The following ESRRG variants were observed in gnomAD, a reference collection of about 807,000 sequenced individuals.
The protein encoded by ESRRG is estrogen related receptor gamma, also known as estrogen-related receptor gamma.
A neutral mutation model predicts 44.0 loss-of-function variants in ESRRG; 13 were observed. The observed-to-expected ratio is 0.30, with a 90% CI of 0.19 to 0.47. The LOEUF (loss-of-function observed/expected upper bound fraction) is 0.47. Ranked by LOEUF, ESRRG falls within the 20% of genes least tolerant of loss-of-function variation. The probability of loss-of-function intolerance (pLI) is 1.00; values close to 1 mark genes in which losing one functional copy is unlikely to be tolerated. For missense variants in ESRRG, 395 were observed against 580.6 expected (o/e 0.68, Z 3.29); for synonymous variants, 215 against 214.6 (o/e 1.00, Z -0.02).
At chr1:216,555,528 C>T (rs1013537922) in intron 5 of ESRRG, among the ~76,000 whole-genome samples, 17 of 110,488 alleles carry the variant, frequency 1.5e-4, no homozygotes, top group Non-Finnish European at 2.6e-4. Flanking sequence ...AATACAGGTG[C>T]CCTCTTTAAA....
chr1:216,921,762 T>C (rs1206139475), intron 2 of ESRRG, among the ~76,000 whole-genome samples: 13 of 152,206 alleles, frequency 8.5e-5, no homozygotes, highest in Non-Finnish European at 1.9e-4. Context: ...CTCCTTCCAC[T>C]GGAATAAAAA....
chr1:216,771,975 C>T (rs1429922133), intron 2 of ESRRG, among the ~76,000 whole-genome samples: 1 of 151,986 alleles, frequency 6.6e-6, no homozygotes, highest in Non-Finnish European at 1.5e-5. Context: ...TTTAACTTCT[C>T]ATAGCCTCTG....
intron 3 of ESRRG, among the ~76,000 whole-genome samples, chr1:216,616,502 T>C (rs747412806): frequency 2.0e-5 from 3 of 152,252 alleles, no homozygotes; most frequent in Non-Finnish European, 4.4e-5. Flanking sequence ...ATTTTGTTTA[T>C]AAATGCAAAT....
chr1:216,983,255 A>G lies in ESRRG; in HGVS notation c.-105-43582T>C, dbSNP rs138663008. 9.4e-3 allele frequency among the ~76,000 whole-genome samples: 1,423 copies of G among 151,622 alleles called. 76 individuals carry two copies. The highest frequency in any genetic ancestry group is 0.076 in the Admixed American group (1,160 of 15,212). On this transcript the variant is annotated intron_variant, in intron 1 of 7. Transcript: ENST00000359162. ...GATTTTTTTATTTTTTTTTTGAGAC[A>G]GGGTCTCGCTCTGTTACCCAGGTTG...
intron 2 of ESRRG, among the ~76,000 whole-genome samples, chr1:216,732,598 A>G (rs1257639710): frequency 6.6e-6 from 1 of 151,954 alleles, no homozygotes; most frequent in Admixed American, 6.6e-5. Context: ...GCTGGTCTCG[A>G]ATGCCTGACC....
chr1:216,910,377 A>G (rs1455465244), intron 2 of ESRRG, among the ~76,000 whole-genome samples: 2 of 152,146 alleles, frequency 1.3e-5, no homozygotes, highest in African/African-American at 4.8e-5. Context: ...TCAGCCACTA[A>G]TTATTTTTAG....
At chr1:216,515,281 G>A (rs1238026517) in intron 6 of ESRRG, among the ~76,000 whole-genome samples, 7 of 151,810 alleles carry the variant, frequency 4.6e-5, no homozygotes, top group Non-Finnish European at 8.8e-5. Context: ...ATATGTGTGT[G>A]TATGTATGTA....
intron 2 of ESRRG, among the ~76,000 whole-genome samples, chr1:216,745,717 C>A (rs1023886804): frequency 2.0e-5 from 3 of 152,068 alleles, no homozygotes; most frequent in Admixed American, 2.0e-4. Flanking sequence ...AGGAGTTTGT[C>A]CTTGAGAAAG....
intron 1 of ESRRG, among the ~76,000 whole-genome samples, chr1:217,126,186 A>C (rs1459744103): frequency 1.3e-5 from 2 of 152,058 alleles, no homozygotes; most frequent in Non-Finnish European, 2.9e-5. Context: ...TGGGATTCAA[A>C]ATATGTTTCT....
At chr1:216,585,640 A>C (rs1028477267) in intron 3 of ESRRG, among the ~76,000 whole-genome samples, 1 of 152,240 alleles carries the variant, frequency 6.6e-6, no homozygotes, top group Admixed American at 6.5e-5. Flanking sequence ...AGTTTAAAAA[A>C]TCATTATGAC....
Position 216,564,399 on chromosome 1 carries a change from G to A in ESRRG, c.701-19C>T, listed in dbSNP as rs199810267. The A allele has an allele frequency of 8.0e-5, 127 of 1,589,474 alleles. No homozygotes were observed. Among genetic ancestry groups the A allele is most frequent in the Middle Eastern group, 1.7e-4 (1 of 5,922 alleles). ...TTGTTATCTGCAGGATCAGACCAGA[G>A]CACTACAAGATCACTAGTAGTATCA... On this transcript the variant is annotated intron_variant, in intron 4 of 6. Coordinates refer to ENST00000408911, the MANE Select transcript of ESRRG (RefSeq NM_001438.4).
chr1:216,662,650 G>T (rs751100950), intron 2 of ESRRG, among the ~76,000 whole-genome samples: 3 of 152,060 alleles, frequency 2.0e-5, no homozygotes, highest in Non-Finnish European at 4.4e-5. Flanking sequence ...TTTGATGATT[G>T]TCCAAGGGAC....
At chr1:216,698,038 T>C (rs893194638) in intron 1 of ESRRG, among the ~76,000 whole-genome samples, 1 of 152,132 alleles carries the variant, frequency 6.6e-6, no homozygotes, top group Non-Finnish European at 1.5e-5. Context: ...CGTTTGCCCC[T>C]AAGATGTTGA....
intron 1 of ESRRG, among the ~76,000 whole-genome samples, chr1:216,952,513 C>T (rs1472589886): frequency 2.0e-5 from 3 of 151,964 alleles, no homozygotes; most frequent in Non-Finnish European, 2.9e-5. Flanking sequence ...GTTATTATTC[C>T]CCCATGGCAT....
At chr1:216,537,260 G>A (rs1024866854) in intron 5 of ESRRG, among the ~76,000 whole-genome samples, 21 of 151,984 alleles carry the variant, frequency 1.4e-4, no homozygotes, top group Non-Finnish European at 4.4e-5. Context: ...AGCATGGTGA[G>A]AAGAGAGCCA....
chr1:216,755,352 C>T (rs1465157630), intron 2 of ESRRG, among the ~76,000 whole-genome samples: 1 of 151,754 alleles, frequency 6.6e-6, no homozygotes, highest in Non-Finnish European at 1.5e-5. Flanking sequence ...TCCACCTAGA[C>T]CAGGACTCTA....
intron 5 of ESRRG, among the ~76,000 whole-genome samples, chr1:216,528,797 G>A (rs566489429): frequency 6.6e-5 from 10 of 151,994 alleles, no homozygotes; most frequent in Non-Finnish European, 1.3e-4. Flanking sequence ...AAAACAGCAA[G>A]GAGGAGACAA....
intron 3 of ESRRG, among the ~76,000 whole-genome samples, chr1:216,632,606 T>C (rs2064433239): frequency 1.3e-5 from 2 of 152,306 alleles, no homozygotes; most frequent in African/African-American, 2.4e-5. Flanking sequence ...ATCCTGGGTA[T>C]ACCAGGAAGG....
At chr1:217,117,924 A>G (rs1466146174) in intron 1 of ESRRG, among the ~76,000 whole-genome samples, 2 of 152,174 alleles carry the variant, frequency 1.3e-5, no homozygotes, top group Non-Finnish European at 2.9e-5. Flanking sequence ...AAAAAGTTCA[A>G]AATTCTTTAC....
Sources: gnomAD v4.1 joint callset for allele counts (sites outside exome capture counted in the v4.1 genomes callset) on GRCh38, gnomAD v4.1.1 for gene constraint, MANE v1.5 for transcripts, NCBI Gene and HGNC (gene_info 2026-07-23, HGNC 2026-07-21) for gene names.